KIF20B: variants seen among roughly 807,000 people sequenced by gnomAD.
KIF20B encodes kinesin-like protein KIF20B.
A neutral mutation model predicts 232.5 loss-of-function variants in KIF20B; 188 were observed. That is an observed-to-expected ratio of 0.81 (90% CI 0.72 to 0.91). The LOEUF is 0.91. Among genes scored for constraint, KIF20B ranks in the 40% least tolerant of loss-of-function variants. The pLI is 0.00. For synonymous variants in KIF20B, 712 were observed against 683.0 expected, an observed-to-expected ratio of 1.04 and a Z score of -0.66; for missense variants, 2,154 against 2,055.9, an observed-to-expected ratio of 1.05 and a Z score of -0.92.
At chr10:89,757,040 G>GTGTGTGTGTATATA (rs1301847520) in intron 26 of KIF20B, among the ~76,000 whole-genome samples, 37 of 110,734 alleles carry the variant, frequency 3.3e-4, no homozygotes, top group South Asian at 2.5e-3. Flanking sequence ...GTGTGTGTGT[G>GTGTGTGTGTATATA]TATATATATA....
chr10:89,758,093 T>C (rs949946615), intron 26 of KIF20B, among the ~76,000 whole-genome samples: 12 of 152,008 alleles, frequency 7.9e-5, no homozygotes, highest in African/African-American at 2.9e-4. Context: ...CATCTCCATA[T>C]AATTTTTAGA....
At chr10:89,773,484 T>G (rs1842508673) in intron 32 of KIF20B, among the ~76,000 whole-genome samples, 1 of 152,070 alleles carries the variant, frequency 6.6e-6, no homozygotes, top group African/African-American at 2.4e-5. Context: ...GAATGCAAGA[T>G]GTAAAGAGTT....
chr10:89,717,505 A>T lies in KIF20B; in HGVS notation c.1124+10A>T. 6.3e-7 allele frequency: 1 copy of T among 1,589,306 alleles called. No individual in the cohort carries two copies. Among genetic ancestry groups the T allele is most frequent in the East Asian group, 2.3e-5 (1 of 44,224 alleles). ...TAATTCGAGTCAGTGAGTAAGTTGA[A>T]TATTCTTTAAATTTAATTATTTGTA... is the stretch of plus-strand genomic sequence containing the variant. On this transcript the variant is annotated intron_variant, in intron 10 of 32. Coordinates refer to ENST00000371728, the MANE Select transcript of KIF20B (RefSeq NM_001284259.2).
intron 6 of KIF20B, 50 bp downstream of exon 6, chr10:89,711,195 T>C (rs752896285): frequency 2.6e-6 from 3 of 1,171,068 alleles, no homozygotes; most frequent in Non-Finnish European, 3.5e-6. Context: ...TGACTTCTTA[T>C]AAACCCTTTA....
At position 89,762,680 on chromosome 10, in the gene KIF20B, A is replaced by G. The variant is rs1455756231; in HGVS notation, c.4834A>G (p.Asn1612Asp). Reference protein sequence around the residue: ...VLDSCEVSTENDQSTRFPKPE... With the variant: ...VLDSCEVSTEDDQSTRFPKPE... Reference sequence around the variant, plus strand: ...TGACTCTTGTGAAGTGTCAACAGAAAATGATCAAAGCACTCGATTTCCAAA... The same window carrying G: ...TGACTCTTGTGAAGTGTCAACAGAAGATGATCAAAGCACTCGATTTCCAAA... The change falls in exon 29 of 33, where the codon AAT (asparagine) becomes GAT (aspartate). Residue 1612 changes from asparagine to aspartate, a missense_variant. Physicochemically the swap from Asn to Asp is conservative, Grantham distance 23 (BLOSUM62 1). Coordinates refer to ENST00000371728, the MANE Select transcript of KIF20B (RefSeq NM_001284259.2). The G allele has an allele frequency of 4.3e-6, 7 of 1,613,682 alleles. No homozygotes were observed. Among genetic ancestry groups the G allele is most frequent in the Non-Finnish European group, 5.9e-6 (7 of 1,179,772 alleles).
intron 29 of KIF20B, among the ~76,000 whole-genome samples, chr10:89,765,294 A>C (rs1293599832): frequency 6.6e-6 from 1 of 152,184 alleles, no homozygotes; most frequent in Non-Finnish European, 1.5e-5. Context: ...AATTGCTTCA[A>C]AGAGAATAAA....
Position 89,738,190 on chromosome 10 carries a change from A to G in KIF20B, c.3349A>G (p.Lys1117Glu). ...AAACCAAGATGACCTACTAAAAGAA[A>G]AAGAAACTCTTATACAGCAGCTGAA... ...HKNQDDLLKE[K>E]ETLIQQLKEE... Residue 1117 changes from lysine to glutamate, a missense_variant, in exon 20 of 33, where the codon AAA (lysine) becomes GAA (glutamate). Physicochemically the swap from Lys to Glu is moderately conservative, Grantham distance 56. Coordinates refer to ENST00000371728, the MANE Select transcript of KIF20B (RefSeq NM_001284259.2). The G allele has an allele frequency of 1.9e-6, 3 of 1,606,340 alleles. No individual in the cohort carries two copies. Among genetic ancestry groups the G allele is most frequent in the Non-Finnish European group, 2.5e-6 (3 of 1,178,862 alleles).
chr10:89,769,936 C>T (rs969471683), intron 31 of KIF20B, among the ~76,000 whole-genome samples: 3 of 151,926 alleles, frequency 2.0e-5, no homozygotes, highest in Admixed American at 6.6e-5. Flanking sequence ...TAAATTGAAT[C>T]AAATATGTTG....
At chr10:89,710,925 G>C in intron 5 of KIF20B, 36 bp from the exon 6 acceptor site, 1 of 1,547,722 alleles carries the variant, frequency 6.5e-7, no homozygotes, top group Non-Finnish European at 8.7e-7. Context: ...TTTCCTAGTA[G>C]ACTGAGAGAG....
At position 89,711,116 on chromosome 10, in the gene KIF20B, A is replaced by C; in HGVS notation, c.646A>C (p.Lys216Gln). Reference sequence around the variant, plus strand: ...ACAAGAGAAAGAAGAAATTGCTAGCAAAAGTGCATTGCTTCGGCAAATTAA... The same window carrying C: ...ACAAGAGAAAGAAGAAATTGCTAGCCAAAGTGCATTGCTTCGGCAAATTAA... Reference protein sequence around the residue: ...SEQEKEEIASKSALLRQIKEV... With the variant: ...SEQEKEEIASQSALLRQIKEV... The change falls in exon 6 of 33, where the codon AAA (lysine) becomes CAA (glutamine). Residue 216 changes from lysine (K) to glutamine (Q), a missense_variant. Lys to Gln is a moderately conservative substitution (Grantham distance 53). Coordinates refer to ENST00000371728, the MANE Select transcript of KIF20B (RefSeq NM_001284259.2). 2 of 1,559,228 alleles carry C rather than the reference A, an allele frequency of 1.3e-6. No homozygotes were observed. Among genetic ancestry groups the C allele is most frequent in the Non-Finnish European group, 8.7e-7 (1 of 1,151,466 alleles).
At chr10:89,734,046 C>A (rs907646966) in intron 19 of KIF20B, among the ~76,000 whole-genome samples, 1 of 151,234 alleles carries the variant, frequency 6.6e-6, no homozygotes, top group East Asian at 2.0e-4. Context: ...TATAGTGATT[C>A]TTGGGTGGGG....
At chr10:89,713,845 A>G (rs534163793) in intron 6 of KIF20B, among the ~76,000 whole-genome samples, 4 of 152,256 alleles carry the variant, frequency 2.6e-5, no homozygotes, top group African/African-American at 7.2e-5. Context: ...AGGATTATAC[A>G]TGATAATATT....
At chr10:89,711,200 C>T in intron 6 of KIF20B, 55 bp downstream of exon 6, 1 of 1,072,196 alleles carries the variant, frequency 9.3e-7, no homozygotes, top group Non-Finnish European at 1.3e-6. Context: ...TCTTATAAAC[C>T]CTTTAGATTG....
chr10:89,718,739 G>C lies in KIF20B; in HGVS notation c.1301G>C (p.Ser434Thr). 1 of 1,609,400 alleles carries C rather than the reference G, an allele frequency of 6.2e-7. No individual in the cohort carries two copies. Among genetic ancestry groups the C allele is most frequent in the Non-Finnish European group, 8.5e-7 (1 of 1,178,876 alleles). The change falls in exon 12 of 33, where the codon AGT (serine) becomes ACT (threonine). Residue 434 changes from serine to threonine, a missense_variant. By Grantham distance (58) the Ser-to-Thr change is moderately conservative (BLOSUM62 1). Coordinates refer to ENST00000371728, the MANE Select transcript of KIF20B (RefSeq NM_001284259.2). ...CAACAGCATGTGCCTTTCCGGGAAA[G>C]TAAACTGACTCACTATTTTCAAAGT... ...KFQQHVPFRESKLTHYFQSFF... is the reference protein window; with the variant it reads ...KFQQHVPFRETKLTHYFQSFF...
At chr10:89,721,598 A>G (rs1268280158) in intron 13 of KIF20B, among the ~76,000 whole-genome samples, 3 of 152,064 alleles carry the variant, frequency 2.0e-5, no homozygotes, top group Non-Finnish European at 4.4e-5. Flanking sequence ...TGAGCCCAGG[A>G]TTTCTAGGCA....
rs764335006 is a variant in KIF20B, at chr10:89,711,035, A to G, written c.565A>G (p.Thr189Ala). 4.3e-6 allele frequency: 7 copies of G among 1,609,980 alleles called. No homozygotes were observed. The Middle Eastern group carries it at 8.3e-4, about 190-fold the overall frequency. ...TGATAGTCTTCAAGAAAGACTGTAT[A>G]CAAAGATGAACCTTAAACCACATAG... ...LFDSLQERLY[T>A]KMNLKPHRSR... Residue 189 changes from threonine (T) to alanine (A), a missense_variant, in exon 6 of 33, where the codon ACA becomes GCA. By Grantham distance (58) the Thr-to-Ala change is moderately conservative. Coordinates refer to ENST00000371728, the MANE Select transcript of KIF20B (RefSeq NM_001284259.2).
rs557988714 is a variant in KIF20B, at chr10:89,738,316, T to C, written c.3475T>C (p.Tyr1159His). 4.2e-5 allele frequency: 67 copies of C among 1,612,032 alleles called. No individual in the cohort carries two copies. The Admixed American group carries it at 1.0e-3, about 25-fold the overall frequency. ...AGAACTTACACAAGGTGTTACTTGC[T>C]ATAAGGCAAAAATAAAGGAACTTGA... ...LSELTQGVTC[Y>H]KAKIKELETI... The change falls in exon 20 of 33, where the codon TAT (tyrosine) becomes CAT (histidine). Residue 1159 changes from tyrosine (Y) to histidine (H), a missense_variant. Physicochemically the swap from Tyr to His is moderately conservative, Grantham distance 83. Transcript: ENST00000371728.
In KIF20B at chr10:89,719,402, A is replaced by G. The variant is rs962231510; in HGVS notation, c.1435-17A>G. 1 of 1,520,042 alleles carries G rather than the reference A, an allele frequency of 6.6e-7. No individual in the cohort carries two copies. Among genetic ancestry groups the G allele is most frequent in the Non-Finnish European group, 8.8e-7 (1 of 1,131,136 alleles). The allele number at this position is 1,520,042 out of a possible 1,614,324, so 94.2% of individuals were successfully genotyped here. A position where few individuals can be genotyped will look rare whatever the true frequency, so the allele number is the denominator to read the frequency against. ...TTGTCTTTTCTGTTTTAAAAGTCAC[A>G]TTGAATATTTTAACAGGTTTGTGTC... On this transcript the variant is annotated splice_polypyrimidine_tract_variant and intron_variant, in intron 12 of 32. Coordinates refer to ENST00000371728, the MANE Select transcript of KIF20B (RefSeq NM_001284259.2).
intron 6 of KIF20B, among the ~76,000 whole-genome samples, chr10:89,713,769 A>G (rs758371850): frequency 4.6e-5 from 7 of 152,250 alleles, no homozygotes; most frequent in Admixed American, 1.3e-4. Context: ...AGCTTACAAC[A>G]TAAGTGTGGG....
Sources: allele counts gnomAD v4.1 joint callset (sites outside exome capture counted in the v4.1 genomes callset), GRCh38; gene constraint gnomAD v4.1.1; transcripts MANE v1.5; gene names NCBI Gene and HGNC (gene_info 2026-07-23, HGNC 2026-07-21).